Variants in STAG1 observed in about 807,000 individuals in gnomAD.
The protein encoded by STAG1 is STAG1 cohesin complex component.
In STAG1, 26 loss-of-function variants were observed where a neutral mutation model predicts 170.9. The ratio of observed to expected loss-of-function variants is 0.15; its 90% CI spans 0.11 to 0.21. The LOEUF (loss-of-function observed/expected upper bound fraction) is 0.21, where lower values mean the gene tolerates loss of function less well. Among genes scored for constraint, STAG1 ranks in the 10% least tolerant of loss-of-function variants. STAG1 has a pLI of 1.00. For synonymous variants in STAG1, 514 were observed against 497.7 expected, an observed-to-expected ratio of 1.03 and a Z score of -0.44; for missense variants, 964 against 1,509.5, an observed-to-expected ratio of 0.64 and a Z score of 5.99.
chr3:136,705,974 G>T (rs1297642763), intron 1 of STAG1, among the ~76,000 whole-genome samples: 1 of 151,534 alleles, frequency 6.6e-6, no homozygotes, highest in Admixed American at 6.6e-5. Context: ...AGAGGCCAAG[G>T]TGGGAGGATC....
chr3:136,399,028 G>A (rs866758), intron 21 of STAG1, among the ~76,000 whole-genome samples, 199 bp from the exon 22 acceptor site: 1 of 151,858 alleles, frequency 6.6e-6, no homozygotes, highest in Non-Finnish European at 1.5e-5. Flanking sequence ...GGAGAATAAA[G>A]ACACAACATA....
chr3:136,566,292 T>C (rs918465226), intron 5 of STAG1, among the ~76,000 whole-genome samples: 1 of 152,302 alleles, frequency 6.6e-6, no homozygotes, highest in African/African-American at 2.4e-5. Context: ...AACCCTCTTT[T>C]TGCCATGTAA....
At chr3:136,583,345 A>G (rs1414621266) in intron 4 of STAG1, among the ~76,000 whole-genome samples, 1 of 152,226 alleles carries the variant, frequency 6.6e-6, no homozygotes, top group Non-Finnish European at 1.5e-5. Context: ...AATACAAAAA[A>G]AATTCTACAA....
In STAG1 at chr3:136,342,529, T is replaced by C. The variant is rs547278968; in HGVS notation, c.3447-978A>G. ...GAGACAGAGTCTGTGTCACCCAGGC[T>C]GGAGTGCAGTGGCGCGATTTTGGCT... On this transcript the variant is annotated intron_variant, in intron 30 of 33. Coordinates refer to ENST00000383202, the MANE Select transcript of STAG1 (RefSeq NM_005862.3). Among the ~76,000 whole-genome samples the C allele has an allele frequency of 5.3e-4, 80 of 152,292 alleles. No individual in the cohort carries two copies. The South Asian group carries it at 7.1e-3, about 13-fold the overall frequency.
intron 15 of STAG1, among the ~76,000 whole-genome samples, chr3:136,442,803 G>T (rs925371769): frequency 6.6e-6 from 1 of 152,128 alleles, no homozygotes. Flanking sequence ...ACTTTGGAGG[G>T]CTAAGGCAGG....
At chr3:136,721,725 C>A (rs1933286969) in intron 1 of STAG1, among the ~76,000 whole-genome samples, 1 of 151,940 alleles carries the variant, frequency 6.6e-6, no homozygotes, top group South Asian at 2.1e-4. Flanking sequence ...GAGATCAAGA[C>A]CATCCTGGCT....
chr3:136,441,890 T>C (rs6804194), intron 15 of STAG1, among the ~76,000 whole-genome samples: 55,406 of 152,016 alleles, frequency 0.36, 11,174 homozygotes, highest in African/African-American at 0.53. Flanking sequence ...GAGTTAAAAA[T>C]TTGAATTAAT....
intron 1 of STAG1, among the ~76,000 whole-genome samples, chr3:136,691,857 G>A (rs1449928910): frequency 6.6e-6 from 1 of 152,178 alleles, no homozygotes; most frequent in Admixed American, 6.5e-5. Flanking sequence ...CAAGTCCCGG[G>A]GAAAACTTCC....
chr3:136,637,596 T>C (rs559556133), intron 1 of STAG1, among the ~76,000 whole-genome samples: 2 of 152,130 alleles, frequency 1.3e-5, no homozygotes, highest in South Asian at 4.1e-4. Flanking sequence ...AGAGTTTCGG[T>C]TCTGGGGCTC....
chr3:136,623,418 A>C (rs998871148), intron 2 of STAG1, among the ~76,000 whole-genome samples, 170 bp from the exon 3 acceptor site: 1 of 152,180 alleles, frequency 6.6e-6, no homozygotes, highest in Non-Finnish European at 1.5e-5. Flanking sequence ...CTAATTTCAC[A>C]TAACAGTGAG....
intron 7 of STAG1, among the ~76,000 whole-genome samples, chr3:136,512,172 A>T (rs529679421): frequency 6.7e-6 from 1 of 149,956 alleles, no homozygotes; most frequent in Non-Finnish European, 1.5e-5. Context: ...GCCAGGTGTG[A>T]TGGCACATGC....
chr3:136,673,559 C>A (rs1219976752), intron 1 of STAG1, among the ~76,000 whole-genome samples: 4 of 152,062 alleles, frequency 2.6e-5, no homozygotes, highest in African/African-American at 9.7e-5. Context: ...AAAATAGGCC[C>A]AACATCTGTA....
chr3:136,651,023 T>C (rs563446300), intron 1 of STAG1, among the ~76,000 whole-genome samples: 2 of 151,878 alleles, frequency 1.3e-5, no homozygotes, highest in East Asian at 3.9e-4. Flanking sequence ...AAAGGGAAGA[T>C]GACAATGGAT....
intron 1 of STAG1, among the ~76,000 whole-genome samples, chr3:136,687,651 T>C (rs1013560773): frequency 5.9e-5 from 9 of 152,104 alleles, no homozygotes; most frequent in African/African-American, 1.4e-4. Flanking sequence ...TAAGAGTCAG[T>C]TGTGTTTTCC....
chr3:136,459,232 A>AAAAAAAAAAAGAG (rs2089207207), intron 13 of STAG1, among the ~76,000 whole-genome samples: 1 of 151,834 alleles, frequency 6.6e-6, no homozygotes, highest in African/African-American at 2.4e-5. Flanking sequence ...AAAAAAAAAA[A>AAAAAAAAAAAGAG]AAAAGAAAAG....
chr3:136,346,740 C>T (rs956732266), intron 29 of STAG1, among the ~76,000 whole-genome samples: 15 of 152,282 alleles, frequency 9.9e-5, no homozygotes, highest in African/African-American at 2.2e-4. Flanking sequence ...AATGATATAA[C>T]GCATGTTAAA....
chr3:136,382,538 G>A (rs1328388320), intron 22 of STAG1, among the ~76,000 whole-genome samples: 1 of 151,874 alleles, frequency 6.6e-6, no homozygotes, highest in South Asian at 2.1e-4. Context: ...AAAAAGCTGG[G>A]ATTACAGGTG....
intron 5 of STAG1, among the ~76,000 whole-genome samples, chr3:136,560,108 G>A (rs985647792): frequency 6.6e-6 from 1 of 152,144 alleles, no homozygotes; most frequent in African/African-American, 2.4e-5. Context: ...CTTAGATTAA[G>A]TGCTCCTAGG....
At chr3:136,692,945 G>GT (rs927018486) in intron 1 of STAG1, among the ~76,000 whole-genome samples, 11 of 152,260 alleles carry the variant, frequency 7.2e-5, no homozygotes, top group Non-Finnish European at 1.6e-4. Context: ...ACAGATGTAT[G>GT]TTTCAATAGG....
Sources: gnomAD v4.1 joint callset for allele counts (sites outside exome capture counted in the v4.1 genomes callset) on GRCh38, gnomAD v4.1.1 for gene constraint, MANE v1.5 for transcripts, NCBI Gene and HGNC (gene_info 2026-07-23, HGNC 2026-07-21) for gene names.